NTN4: variants seen among roughly 807,000 people sequenced by gnomAD.
NTN4 encodes netrin 4.
Under a neutral mutation model 73.6 loss-of-function variants are expected in NTN4, and 32 were observed. The ratio of observed to expected loss-of-function variants is 0.44; its 90% CI spans 0.33 to 0.58. NTN4 has a LOEUF of 0.58. Among genes scored for constraint, NTN4 ranks in the 20% least tolerant of loss-of-function variants. The pLI is 0.04. For missense variants in NTN4, 654 were observed against 798.3 expected (o/e 0.82, Z 2.18); for synonymous variants, 258 against 287.5 (o/e 0.90, Z 1.04).
rs2079202000 is a variant in NTN4 at position 95,790,571 on chromosome 12, C to A, written c.-262G>T. On this transcript the variant is annotated 5_prime_UTR_variant, in exon 1 of 10. Transcript: ENST00000343702. This position sits in a 1 kb window ranked among gnomAD's most constrained non-coding sequence, Gnocchi z 6.5. ...GGCGGCGGGAGCCCCGGGACCATAG[C>A]CGGCCTGGCTGCGCTGCCCCGCGGA... The A allele has an allele frequency of 6.7e-6, 2 of 299,890 alleles. No homozygotes were observed. The highest frequency in any genetic ancestry group is 5.4e-5 in the East Asian group (1 of 18,364). 18.6% of individuals were successfully genotyped at this position (299,890 alleles called of 1,614,324 possible). A position where few individuals can be genotyped will look rare whatever the true frequency, so the allele number is the denominator to read the frequency against.
intron 7 of NTN4, among the ~76,000 whole-genome samples, chr12:95,681,451 T>C (rs2078315391): frequency 6.6e-6 from 1 of 152,200 alleles, no homozygotes; most frequent in African/African-American, 2.4e-5. Context: ...TGAAGGTGTG[T>C]ATGGGTGCTC....
At position 95,746,240 on chromosome 12, in the gene NTN4, C is replaced by T. The variant is rs74725543; in HGVS notation, c.586-8096G>A. On this transcript the variant is annotated intron_variant, in intron 2 of 9. Transcript: ENST00000343702. ...GCAATATCTGCAGTTCCCAGGAATT[C>T]GTCCGATTGATAACACCCAAAGCCC... Among the ~76,000 whole-genome samples the T allele has an allele frequency of 4.6e-5, 7 of 152,270 alleles. 1 individual carries two copies. In the Middle Eastern group the frequency reaches 0.014, roughly 296 times the overall value.
chr12:95,780,702 A>G (rs1327156972), intron 2 of NTN4, among the ~76,000 whole-genome samples: 1 of 152,196 alleles, frequency 6.6e-6, no homozygotes, highest in Admixed American at 6.5e-5. Context: ...CACTGTTGGT[A>G]GGACTGTAAA....
At chr12:95,678,007 TA>T (rs1267624882) in intron 7 of NTN4, among the ~76,000 whole-genome samples, 1 of 152,028 alleles carries the variant, frequency 6.6e-6, no homozygotes, top group African/African-American at 2.4e-5. Context: ...TACGCAGCCA[TA>T]AAAAAGGATG....
At chr12:95,755,148 G>A (rs2078939274) in intron 2 of NTN4, among the ~76,000 whole-genome samples, 1 of 152,174 alleles carries the variant, frequency 6.6e-6, no homozygotes, top group South Asian at 2.1e-4. Context: ...ACTAGTTTTT[G>A]TATTGTCACC....
intron 2 of NTN4, among the ~76,000 whole-genome samples, chr12:95,741,883 A>C (rs2078829666): frequency 6.6e-6 from 1 of 152,038 alleles, no homozygotes. Context: ...TACTGTAATA[A>C]TTTCCTGAAG....
intron 5 of NTN4, among the ~76,000 whole-genome samples, chr12:95,686,857 T>C (rs1329008285): frequency 6.6e-6 from 1 of 152,208 alleles, no homozygotes; most frequent in East Asian, 1.9e-4. Context: ...CTTTTTAAAA[T>C]AAATTTTTCA....
intron 7 of NTN4, among the ~76,000 whole-genome samples, chr12:95,674,486 T>C (rs1266675692): frequency 6.6e-6 from 1 of 152,116 alleles, no homozygotes. Flanking sequence ...GAAAAGCTTG[T>C]TTAGTTATGC....
intron 2 of NTN4, among the ~76,000 whole-genome samples, chr12:95,758,599 C>T (rs112677229): frequency 2.6e-5 from 4 of 152,036 alleles, no homozygotes; most frequent in Non-Finnish European, 4.4e-5. Flanking sequence ...TTTGCCCTGT[C>T]GCTTGGGCTG....
At chr12:95,685,683 A>G (rs1268159208) in intron 5 of NTN4, among the ~76,000 whole-genome samples, 1 of 152,166 alleles carries the variant, frequency 6.6e-6, no homozygotes, top group Non-Finnish European at 1.5e-5. Context: ...TTTGGCTTCA[A>G]ATCTCCACTA....
At chr12:95,703,796 C>A (rs1048304283) in intron 5 of NTN4, among the ~76,000 whole-genome samples, 1 of 152,150 alleles carries the variant, frequency 6.6e-6, no homozygotes, top group Non-Finnish European at 1.5e-5. Flanking sequence ...TATATGCACA[C>A]AAATAGAGAT....
chr12:95,712,787 C>CTTTTTTTTTTTTTTTTTTTTTTT (rs35614636), intron 4 of NTN4, among the ~76,000 whole-genome samples: 1 of 105,734 alleles, frequency 9.5e-6, no homozygotes, highest in African/African-American at 3.8e-5. Context: ...TTCTTTCTTT[C>CTTTTTTTTTTTTTTTTTTTTTTT]TTTTTTTTTT....
intron 3 of NTN4, among the ~76,000 whole-genome samples, chr12:95,715,521 G>A (rs1449765899): frequency 2.0e-5 from 3 of 151,934 alleles, no homozygotes; most frequent in African/African-American, 4.8e-5. Flanking sequence ...TCTCTTCATG[G>A]CTCTCTGATA....
chr12:95,672,967 A>G, intron 7 of NTN4: 3 of 1,135,554 alleles, frequency 2.6e-6, no homozygotes, highest in Non-Finnish European at 4.0e-6. Context: ...TAAATTGGAC[A>G]AGAGCTCGAA....
chr12:95,712,564 G>C (rs992955378), intron 4 of NTN4, among the ~76,000 whole-genome samples: 5 of 152,066 alleles, frequency 3.3e-5, no homozygotes, highest in African/African-American at 9.7e-5. Flanking sequence ...TCAGCAATGA[G>C]AGTACAACAG....
At chr12:95,695,576 G>C (rs1009785674) in intron 5 of NTN4, among the ~76,000 whole-genome samples, 1 of 152,004 alleles carries the variant, frequency 6.6e-6, no homozygotes, top group Non-Finnish European at 1.5e-5. Flanking sequence ...TGTTGGCCAG[G>C]CTGGTCTTGA....
intron 5 of NTN4, among the ~76,000 whole-genome samples, chr12:95,700,437 C>A (rs980387582): frequency 9.9e-5 from 15 of 152,086 alleles, no homozygotes; most frequent in Admixed American, 3.3e-4. Context: ...TCAGTGTATT[C>A]TGGGCAGGAC....
intron 2 of NTN4, among the ~76,000 whole-genome samples, chr12:95,749,844 C>T (rs1327105775): frequency 2.0e-5 from 3 of 150,866 alleles, no homozygotes; most frequent in Non-Finnish European, 4.4e-5. Flanking sequence ...CTCCTTCACC[C>T]TTAGCGGCAA....
intron 3 of NTN4, among the ~76,000 whole-genome samples, chr12:95,720,638 T>C (rs1036982810): frequency 3.9e-5 from 6 of 152,222 alleles, no homozygotes; most frequent in Non-Finnish European, 7.3e-5. Context: ...GTGATAATTA[T>C]GCATTTGAAG....
Sources: gnomAD v4.1 joint callset for allele counts (sites outside exome capture counted in the v4.1 genomes callset) on GRCh38, gnomAD v4.1.1 for gene constraint, Gnocchi (gnomAD v3.1) non-coding constraint, MANE v1.5 for transcripts, NCBI Gene and HGNC (gene_info 2026-07-23, HGNC 2026-07-21) for gene names.